ZFAND3: variants seen among roughly 807,000 people sequenced by gnomAD.
ZFAND3 encodes zinc finger AN1-type containing 3.
ZFAND3 carries 10 observed loss-of-function variants against 29.6 expected under a neutral mutation model. The observed-to-expected ratio is 0.34, with a 90% CI of 0.21 to 0.57. ZFAND3 has a LOEUF of 0.57. ZFAND3 is among the 20% of genes least tolerant of loss of function. ZFAND3 has a pLI of 0.86. For missense variants in ZFAND3, 230 were observed against 304.5 expected, an observed-to-expected ratio of 0.76 and a Z score of 1.82; for synonymous variants, 128 against 112.6, an observed-to-expected ratio of 1.14 and a Z score of -0.87.
intron 2 of ZFAND3, among the ~76,000 whole-genome samples, chr6:37,966,376 A>G (rs76831879): frequency 0.064 from 9,734 of 152,320 alleles, 435 homozygotes; most frequent in Non-Finnish European, 0.093. Flanking sequence ...TAAAAAGCAC[A>G]TACAAAGTGC....
At position 37,960,101 on chromosome 6, in the gene ZFAND3, C is replaced by T. The variant is rs76739195; in HGVS notation, c.112+30102C>T. 1.4e-4 allele frequency among the ~76,000 whole-genome samples: 21 copies of T among 152,182 alleles called. No individual in the cohort carries two copies. In the East Asian group the frequency reaches 3.1e-3, roughly 22 times the overall value. On this transcript the variant is annotated intron_variant, in intron 2 of 5. Transcript: ENST00000287218. ...ATGTGTTCTGAAATCTTCAAGATAC[C>T]GCAGTGTAGCATCTATCTGTCTTAG... is the stretch of plus-strand genomic sequence containing the variant.
At position 38,129,148 on chromosome 6, in the gene ZFAND3, C is replaced by T. The variant is rs184972681; in HGVS notation, c.529+12409C>T. 6.6e-4 allele frequency among the ~76,000 whole-genome samples: 101 copies of T among 152,142 alleles called. 1 individual carries two copies. Among genetic ancestry groups the T allele is most frequent in the African/African-American group, 2.4e-3 (100 of 41,480 alleles). ...TATCTTCTTTTGAGAATTTTCTATT[C>T]ATGTTCTTAGCCCACTTTTTGATGG... On this transcript the variant is annotated intron_variant, in intron 5 of 5. Transcript: ENST00000287218.
At chr6:37,878,402 T>C (rs1290389629) in intron 1 of ZFAND3, among the ~76,000 whole-genome samples, 1 of 152,128 alleles carries the variant, frequency 6.6e-6, no homozygotes, top group East Asian at 1.9e-4. Context: ...AGTAGAGGGT[T>C]GTGTTGTAGG....
intron 2 of ZFAND3, among the ~76,000 whole-genome samples, chr6:37,989,548 C>A (rs976410427): frequency 6.6e-6 from 1 of 152,296 alleles, no homozygotes; most frequent in African/African-American, 2.4e-5. Context: ...CACAAGTCAC[C>A]ACTTTCTAAT....
In ZFAND3 at chr6:38,129,719, C is replaced by T. The variant is rs181528165; in HGVS notation, c.529+12980C>T. Among the ~76,000 whole-genome samples, 46 of 151,852 alleles carry T rather than the reference C, an allele frequency of 3.0e-4. No homozygotes were observed. In the East Asian group the frequency reaches 4.5e-3, roughly 15 times the overall value. ...CATTACTATGCCGTTTTGGTGACTA[C>T]GGCCTTATAGTTTAGTTTGAAGTCA... On this transcript the variant is annotated intron_variant, in intron 5 of 5. Transcript: ENST00000287218.
chr6:37,973,552 G>A (rs1332596391), intron 2 of ZFAND3, among the ~76,000 whole-genome samples: 2 of 152,328 alleles, frequency 1.3e-5, no homozygotes, highest in East Asian at 3.9e-4. Context: ...GGTGTGGCTA[G>A]TGTGACTTAG....
chr6:38,103,850 C>T (rs781144690), intron 4 of ZFAND3, among the ~76,000 whole-genome samples: 33 of 152,080 alleles, frequency 2.2e-4, no homozygotes, highest in Non-Finnish European at 3.5e-4. Flanking sequence ...CTACCTTATT[C>T]GGTACTCCAC....
intron 1 of ZFAND3, among the ~76,000 whole-genome samples, chr6:37,925,693 C>T (rs259688): frequency 8.2e-4 from 121 of 147,898 alleles, no homozygotes; most frequent in Non-Finnish European, 1.2e-3. Context: ...AACAGAGCTA[C>T]ACTCCATCTC....
intron 2 of ZFAND3, among the ~76,000 whole-genome samples, chr6:38,048,015 T>C (rs1763940659): frequency 6.6e-6 from 1 of 151,712 alleles, no homozygotes; most frequent in Non-Finnish European, 1.5e-5. Flanking sequence ...GTTTATTTAT[T>C]TATTTTTGCG....
intron 2 of ZFAND3, among the ~76,000 whole-genome samples, chr6:37,970,139 T>TG (rs1762360797): frequency 6.6e-6 from 1 of 151,902 alleles, no homozygotes; most frequent in Non-Finnish European, 1.5e-5. Context: ...AATAAATGAA[T>TG]AAATGAATAA....
chr6:38,071,998 T>G (rs532038383), intron 3 of ZFAND3, among the ~76,000 whole-genome samples: 2 of 152,290 alleles, frequency 1.3e-5, no homozygotes, highest in African/African-American at 4.8e-5. Flanking sequence ...TTTAAAATAA[T>G]TTTCTGTACC....
chr6:38,148,918 C>T (rs1766164898), intron 5 of ZFAND3, among the ~76,000 whole-genome samples: 1 of 152,192 alleles, frequency 6.6e-6, no homozygotes, highest in African/African-American at 2.4e-5. Flanking sequence ...CATCTAATAA[C>T]CTCAGTGCAG....
intron 2 of ZFAND3, among the ~76,000 whole-genome samples, chr6:38,053,735 T>C (rs1427006000): frequency 6.6e-6 from 1 of 152,112 alleles, no homozygotes; most frequent in African/African-American, 2.4e-5. Flanking sequence ...ATCTTATAGA[T>C]GATGATGGCT....
chr6:38,150,061 T>G (rs1766189903), intron 5 of ZFAND3, among the ~76,000 whole-genome samples: 1 of 152,154 alleles, frequency 6.6e-6, no homozygotes, highest in Admixed American at 6.5e-5. Flanking sequence ...CAGGTAGGCT[T>G]TGCTACAAAA....
At chr6:38,082,492 T>C (rs768812326) in intron 4 of ZFAND3, 35 bp downstream of exon 4, 88 of 1,586,910 alleles carry the variant, frequency 5.5e-5, no homozygotes, top group Non-Finnish European at 6.7e-5. Flanking sequence ...TTCATCCTTA[T>C]TTGAATTCTT....
chr6:37,989,521 C>T (rs1237669655), intron 2 of ZFAND3, among the ~76,000 whole-genome samples: 2 of 152,178 alleles, frequency 1.3e-5, no homozygotes, highest in South Asian at 4.1e-4. Flanking sequence ...ACTCTACCTT[C>T]ATGACCTAAA....
At chr6:38,112,739 TATC>T (rs1209130001) in intron 4 of ZFAND3, among the ~76,000 whole-genome samples, 2 of 152,204 alleles carry the variant, frequency 1.3e-5, no homozygotes, top group Non-Finnish European at 2.9e-5. Flanking sequence ...TTTAATTCAT[TATC>T]ATGTCGTTAG....
At chr6:37,951,436 CA>C (rs1326313175) in intron 2 of ZFAND3, among the ~76,000 whole-genome samples, 6 of 151,692 alleles carry the variant, frequency 4.0e-5, no homozygotes, top group South Asian at 2.1e-4. Context: ...ACTAAAAATA[CA>C]AAAAAAATTT....
At chr6:37,827,697 G>A (rs1009326288) in intron 1 of ZFAND3, among the ~76,000 whole-genome samples, 1 of 152,256 alleles carries the variant, frequency 6.6e-6, no homozygotes, top group East Asian at 1.9e-4. Context: ...AGCTGCAACA[G>A]TGCCAGGCAC....
Sources: allele counts gnomAD v4.1 joint callset (sites outside exome capture counted in the v4.1 genomes callset), GRCh38; gene constraint gnomAD v4.1.1; transcripts MANE v1.5; gene names NCBI Gene and HGNC (gene_info 2026-07-23, HGNC 2026-07-21).